The following ADAMTSL4 variants were observed in gnomAD, a reference collection of about 807,000 sequenced individuals.
The protein encoded by ADAMTSL4 is ADAMTS-like protein 4.
In ADAMTSL4, 97 loss-of-function variants were observed where a neutral mutation model predicts 122.8. That is an observed-to-expected ratio of 0.79 (90% confidence interval 0.67 to 0.93). The LOEUF (loss-of-function observed/expected upper bound fraction) is 0.93, where lower values mean the gene tolerates loss of function less well. Among genes scored for constraint, ADAMTSL4 ranks in the 40% least tolerant of loss-of-function variants. The pLI, the probability that ADAMTSL4 is intolerant of heterozygous loss-of-function variation, is 0.00. For synonymous variants in ADAMTSL4, 592 were observed against 568.0 expected, an observed-to-expected ratio of 1.04 and a Z score of -0.60; for missense variants, 1,408 against 1,453.5, an observed-to-expected ratio of 0.97 and a Z score of 0.51.
chr1:150,556,720 G>T lies in ADAMTSL4; in HGVS notation c.1676G>T (p.Arg559Leu), dbSNP rs775141488. The T allele has an allele frequency of 1.2e-6, 2 of 1,613,826 alleles. No individual in the cohort carries two copies. Among genetic ancestry groups the T allele is most frequent in the African/African-American group, 1.3e-5 (1 of 74,844 alleles). Residue 559 changes from arginine (R) to leucine (L), a missense_variant, in exon 10 of 19, where the codon CGT (arginine) becomes CTT (leucine). By Grantham distance (102) the Arg-to-Leu change is moderately radical (BLOSUM62 -2). Transcript: ENST00000271643. The surrounding 1 kb of genome is among the most constrained non-coding windows in gnomAD (Gnocchi z 4.1). ...GGCGGGACCGTCTTTCGATATAACC[G>T]TCCTCCCAGGGAGGAGGGCAAAGGG... ...RAGGTVFRYN[R>L]PPREEGKGES...
At position 150,559,535 on chromosome 1, in the gene ADAMTSL4, T is replaced by C; in HGVS notation, c.2943+69T>C. On this transcript the variant is annotated intron_variant, in intron 17 of 18. Coordinates refer to ENST00000271643, the MANE Select transcript of ADAMTSL4 (RefSeq NM_019032.6). The surrounding 1 kb of genome is among the most constrained non-coding windows in gnomAD (Gnocchi z 4.1). ...CCTAGGGGAGGGGAGCTCCTCTCGC[T>C]GTACCCCCTCCAGGTCTCTCTGTGC... 6.3e-7 allele frequency: 1 copy of C among 1,598,302 alleles called. No homozygotes were observed. Among genetic ancestry groups the C allele is most frequent in the Admixed American group, 1.7e-5 (1 of 59,666 alleles).
rs139793037 is a variant in ADAMTSL4 at position 150,559,305 on chromosome 1, T to C, written c.2782T>C (p.Ser928Pro). ...PWGECSSECG[S>P]GTQRRDIICV... is the part of the protein sequence containing the mutation. ...ACACTAGTGCTCCTCCGAATGTGGCTCTGGCACACAGCGTAGAGACATCAT... is the reference window on the plus strand; with the variant it reads ...ACACTAGTGCTCCTCCGAATGTGGCCCTGGCACACAGCGTAGAGACATCAT... Residue 928 changes from serine (S) to proline (P), a missense_variant, in exon 17 of 19, where the codon TCT becomes CCT. By Grantham distance (74) the Ser-to-Pro change is moderately conservative (BLOSUM62 -1). Coordinates refer to ENST00000271643, the MANE Select transcript of ADAMTSL4 (RefSeq NM_019032.6). The surrounding 1 kb of genome is among the most constrained non-coding windows in gnomAD (Gnocchi z 4.1). 3.1e-6 allele frequency: 5 copies of C among 1,613,978 alleles called. No individual in the cohort carries two copies. The highest frequency in any genetic ancestry group is 4.2e-6 in the Non-Finnish European group (5 of 1,179,984).
In ADAMTSL4 at chr1:150,553,813, C is replaced by T; in HGVS notation, c.822C>T (p.Phe274=). The change falls in exon 6 of 19, where the codon TTC becomes TTT. Residue 274 remains phenylalanine (F), a synonymous_variant. Coordinates refer to ENST00000271643, the MANE Select transcript of ADAMTSL4 (RefSeq NM_019032.6). ...CGCACTCCTTAGGAGAAGGTGGCTTCTTCCGTGCATCCCCTCAGCCACGAA... is the reference window on the plus strand; with the variant it reads ...CGCACTCCTTAGGAGAAGGTGGCTTTTTCCGTGCATCCCCTCAGCCACGAA... ...SPTHSLGEGG[F]FRASPQPRRP... 1.2e-6 allele frequency: 2 copies of T among 1,614,138 alleles called. No homozygotes were observed. The highest frequency in any genetic ancestry group is 1.7e-6 in the Non-Finnish European group (2 of 1,180,008).
At position 150,559,524 on chromosome 1, in the gene ADAMTSL4, G is replaced by A. The variant is rs1340405771; in HGVS notation, c.2943+58G>A. On this transcript the variant is annotated intron_variant, in intron 17 of 18. Transcript: ENST00000271643. The surrounding 1 kb of genome is among the most constrained non-coding windows in gnomAD (Gnocchi z 4.1). Reference sequence around the variant, plus strand: ...CAGCCTGGGCCCCTAGGGGAGGGGAGCTCCTCTCGCTGTACCCCCTCCAGG... The same window carrying A: ...CAGCCTGGGCCCCTAGGGGAGGGGAACTCCTCTCGCTGTACCCCCTCCAGG... 33 of 1,603,382 alleles carry A rather than the reference G, an allele frequency of 2.1e-5. No homozygotes were observed. The highest frequency in any genetic ancestry group is 1.8e-4 in the Middle Eastern group (1 of 5,462).
At position 150,559,308 on chromosome 1, in the gene ADAMTSL4, G is replaced by A; in HGVS notation, c.2785G>A (p.Gly929Ser). The change falls in exon 17 of 19, where the codon GGC becomes AGC. Residue 929 changes from glycine to serine, a missense_variant. By Grantham distance (56) the Gly-to-Ser change is moderately conservative (BLOSUM62 0). Transcript: ENST00000271643. The surrounding 1 kb of genome is among the most constrained non-coding windows in gnomAD (Gnocchi z 4.1). ...CTAGTGCTCCTCCGAATGTGGCTCT[G>A]GCACACAGCGTAGAGACATCATCTG... ...WGECSSECGS[G>S]TQRRDIICVS... 6.2e-7 allele frequency: 1 copy of A among 1,614,058 alleles called. No homozygotes were observed.
At position 150,559,161 on chromosome 1, in the gene ADAMTSL4, G is replaced by A. The variant is rs1466900621; in HGVS notation, c.2759G>A (p.Gly920Asp). 6 of 1,612,426 alleles carry A rather than the reference G, an allele frequency of 3.7e-6. No individual in the cohort carries two copies. In the East Asian group the frequency reaches 6.7e-5, roughly 18 times the overall value. ...RTWRWYTGPW[G>D]ECSSECGSGT... ...TGGCGCTGGTACACAGGGCCCTGGG[G>A]TGAGGTAAGCTGAGCGCCTGCTGAG... The change falls in exon 16 of 19, where the codon GGT (glycine) becomes GAT (aspartate). Residue 920 changes from glycine to aspartate, a missense_variant. Transcript: ENST00000271643. The surrounding 1 kb of genome is among the most constrained non-coding windows in gnomAD (Gnocchi z 4.1).
rs1326684869 is a variant in ADAMTSL4, at chr1:150,554,859, C to A, written c.1234+392C>A. ...AGGTTACCATCCGCTTCATTTTAGGCCTGTGTTAACTTGACACCGGGATAA... is the reference window on the plus strand; with the variant it reads ...AGGTTACCATCCGCTTCATTTTAGGACTGTGTTAACTTGACACCGGGATAA... On this transcript the variant is annotated intron_variant, in intron 7 of 18. Transcript: ENST00000271643. This position sits in a 1 kb window ranked among gnomAD's most constrained non-coding sequence, Gnocchi z 4.0. 102 of 588,910 alleles carry A rather than the reference C, an allele frequency of 1.7e-4. 1 individual carries two copies. In the East Asian group the frequency reaches 2.9e-3, roughly 17 times the overall value. 36.5% of individuals were successfully genotyped at this position (588,910 alleles called of 1,614,324 possible).
Position 150,556,541 on chromosome 1 carries a change from C to T in ADAMTSL4, c.1577-80C>T. The T allele has an allele frequency of 6.3e-7, 1 of 1,599,974 alleles. No individual in the cohort carries two copies. The highest frequency in any genetic ancestry group is 8.6e-7 in the Non-Finnish European group (1 of 1,168,802). ...GGATCTTAGGTTCTGGTGGGAGCTT[C>T]TATAGGCTAAGGACACGGTGTGGGA... On this transcript the variant is annotated intron_variant, in intron 9 of 18. Transcript: ENST00000271643. The surrounding 1 kb of genome is among the most constrained non-coding windows in gnomAD (Gnocchi z 4.1).
chr1:150,556,663 G>A lies in ADAMTSL4; in HGVS notation c.1619G>A (p.Trp540Ter). ...GGCCGGTCCATCATCAATGGGAACTGGGCTGTGGATCCCCCTGGGTCCTAC... is the reference window on the plus strand; with the variant it reads ...GGCCGGTCCATCATCAATGGGAACTAGGCTGTGGATCCCCCTGGGTCCTAC... ...PGGRSIINGN[W>*]AVDPPGSYRA... Residue 540 changes from tryptophan (W) to a stop codon, truncating the protein, a stop_gained, in exon 10 of 19, where the codon TGG becomes TAG. Transcript: ENST00000271643. LOFTEE classifies it high-confidence loss of function. The surrounding 1 kb of genome is among the most constrained non-coding windows in gnomAD (Gnocchi z 4.1). 6.2e-7 allele frequency: 1 copy of A among 1,614,070 alleles called. No homozygotes were observed. The highest frequency in any genetic ancestry group is 2.2e-5 in the East Asian group (1 of 44,864).
rs749803973 is a variant in ADAMTSL4 at position 150,559,802 on chromosome 1, C to T, written c.2985C>T (p.Val995=). 3 of 1,613,954 alleles carry T rather than the reference C, an allele frequency of 1.9e-6. No individual in the cohort carries two copies. The Admixed American group carries it at 5.0e-5, about 27-fold the overall frequency. The change falls in exon 18 of 19, where the codon GTC becomes GTT. Residue 995 remains valine (V), a synonymous_variant. Transcript: ENST00000271643. The surrounding 1 kb of genome is among the most constrained non-coding windows in gnomAD (Gnocchi z 4.1). ...SCQGGTQTRE[V]QCLSTNQTLS... is the part of the protein sequence containing the mutation. ...AAGGGGGAACGCAGACACGGGAGGTCCAGTGCCTGAGCACCAACCAGACCC... is the reference window on the plus strand; with the variant it reads ...AAGGGGGAACGCAGACACGGGAGGTTCAGTGCCTGAGCACCAACCAGACCC...
Position 150,554,247 on chromosome 1 carries a change from G to A in ADAMTSL4, c.1132-118G>A, listed in dbSNP as rs1671763809. ...GGGCCTTGGCATCTGACCACCTCAG[G>A]GCAGGGGTCTTGGAGCTCTTCCGCT... On this transcript the variant is annotated intron_variant, in intron 6 of 18. Coordinates refer to ENST00000271643, the MANE Select transcript of ADAMTSL4 (RefSeq NM_019032.6). The surrounding 1 kb of genome is among the most constrained non-coding windows in gnomAD (Gnocchi z 4.0). The A allele has an allele frequency of 6.9e-7, 1 of 1,438,956 alleles. No homozygotes were observed. The highest frequency in any genetic ancestry group is 9.7e-7 in the Non-Finnish European group (1 of 1,032,374). The allele number at this position is 1,438,956 out of a possible 1,614,324, so 89.1% of individuals were successfully genotyped here.
At position 150,552,436 on chromosome 1, in the gene ADAMTSL4, G is replaced by A. The variant is rs958852324; in HGVS notation, c.21-107G>A. Reference sequence around the variant, plus strand: ...AAGTGATGAGTAACTTCTGCTTTCTGAGAAGTTGGTAGTCAGGATATGGGA... The same window carrying A: ...AAGTGATGAGTAACTTCTGCTTTCTAAGAAGTTGGTAGTCAGGATATGGGA... On this transcript the variant is annotated intron_variant, in intron 3 of 18. Transcript: ENST00000271643. This position sits in a 1 kb window ranked among gnomAD's most constrained non-coding sequence, Gnocchi z 4.0. 6 of 1,567,916 alleles carry A rather than the reference G, an allele frequency of 3.8e-6. No individual in the cohort carries two copies. The African/African-American group carries it at 5.4e-5, about 14-fold the overall frequency.
Position 150,556,021 on chromosome 1 carries a change from C to A in ADAMTSL4, c.1372-141C>A. 1 of 835,334 alleles carries A rather than the reference C, an allele frequency of 1.2e-6. No homozygotes were observed. Among genetic ancestry groups the A allele is most frequent in the Non-Finnish European group, 2.0e-6 (1 of 509,888 alleles). The allele number at this position is 835,334 out of a possible 1,614,324, so 51.7% of individuals were successfully genotyped here. ...CACCTGTCCATGTCCCTGGGTCTGG[C>A]TGGGGATGGTGGGGCTGTTTTTGTG... is the stretch of plus-strand genomic sequence containing the variant. On this transcript the variant is annotated intron_variant, in intron 8 of 18. Coordinates refer to ENST00000271643, the MANE Select transcript of ADAMTSL4 (RefSeq NM_019032.6). This position sits in a 1 kb window ranked among gnomAD's most constrained non-coding sequence, Gnocchi z 4.1.
rs756296743 is a variant in ADAMTSL4 at position 150,553,542 on chromosome 1, C to T, written c.551C>T (p.Ser184Phe). Residue 184 changes from serine (S) to phenylalanine (F), a missense_variant, in exon 6 of 19, where the codon TCC (serine) becomes TTC (phenylalanine). Physicochemically the swap from Ser to Phe is radical, Grantham distance 155. Coordinates refer to ENST00000271643, the MANE Select transcript of ADAMTSL4 (RefSeq NM_019032.6). Reference sequence around the variant, plus strand: ...CGGAGCCCACCCAGATCTGAGCTGTCCCTGATCTCTTCTAGAGGGGAAGAG... The same window carrying T: ...CGGAGCCCACCCAGATCTGAGCTGTTCCTGATCTCTTCTAGAGGGGAAGAG... ...HPRSPPRSEL[S>F]LISSRGEEAI... 1 of 1,613,956 alleles carries T rather than the reference C, an allele frequency of 6.2e-7. No individual in the cohort carries two copies. Among genetic ancestry groups the T allele is most frequent in the Admixed American group, 1.7e-5 (1 of 60,008 alleles).
In ADAMTSL4 at chr1:150,556,408, C is replaced by G. The variant is rs768254527; in HGVS notation, c.1576+42C>G. 8 of 1,610,610 alleles carry G rather than the reference C, an allele frequency of 5.0e-6. No individual in the cohort carries two copies. Among genetic ancestry groups the G allele is most frequent in the South Asian group, 2.2e-5 (2 of 90,790 alleles). On this transcript the variant is annotated intron_variant, in intron 9 of 18. Transcript: ENST00000271643. This position sits in a 1 kb window ranked among gnomAD's most constrained non-coding sequence, Gnocchi z 4.1. ...CTCCCCTTCCACTTCCGTCTCTGTT[C>G]GGCCCTCCATACCCCTACTCAGAGC...
chr1:150,553,129 C>T lies in ADAMTSL4; in HGVS notation c.310C>T (p.Pro104Ser), dbSNP rs200120255. The change falls in exon 5 of 19, where the codon CCC (proline) becomes TCC (serine). Residue 104 changes from proline to serine, a missense_variant. By Grantham distance (74) the Pro-to-Ser change is moderately conservative. Coordinates refer to ENST00000271643, the MANE Select transcript of ADAMTSL4 (RefSeq NM_019032.6). ...CCTCCCCCGGGGCCAGGGTCCCAGA[C>T]CCCAGACTTCTCCAGAAACCCTCCC... ...ALLPRGQGPR[P>S]QTSPETLPLY... 6.2e-7 allele frequency: 1 copy of T among 1,613,142 alleles called. No homozygotes were observed. The highest frequency in any genetic ancestry group is 8.5e-7 in the Non-Finnish European group (1 of 1,179,724).
In ADAMTSL4 at chr1:150,553,164, GAC is replaced by G; in HGVS notation, c.349_350del (p.Gln117ValfsTer65). On this transcript the variant is annotated frameshift_variant, in exon 5 of 19. Coordinates refer to ENST00000271643, the MANE Select transcript of ADAMTSL4 (RefSeq NM_019032.6). LOFTEE classifies it high-confidence loss of function. ...TSPETLPLYRTQSRGRGGPLR... is the reference protein window; with the variant it reads ...TSPETLPLYRXQSRGRGGPLR... ...CTCCAGAAACCCTCCCCTTGTACAG[GAC>G]ACAGTCTCGGGGAAGGGGTGGCCCA... 1 of 1,611,994 alleles carries G rather than the reference GAC, an allele frequency of 6.2e-7. No homozygotes were observed. The highest frequency in any genetic ancestry group is 8.5e-7 in the Non-Finnish European group (1 of 1,179,030).
chr1:150,549,951 A>G lies in ADAMTSL4; in HGVS notation c.-85+56A>G, dbSNP rs910825308. 2 of 247,642 alleles carry G rather than the reference A, an allele frequency of 8.1e-6. No homozygotes were observed. Among genetic ancestry groups the G allele is most frequent in the African/African-American group, 2.3e-5 (1 of 44,088 alleles). The allele number at this position is 247,642 out of a possible 1,614,324, so 15.3% of individuals were successfully genotyped here. On this transcript the variant is annotated intron_variant, in intron 2 of 18. Transcript: ENST00000271643. This position sits in a 1 kb window ranked among gnomAD's most constrained non-coding sequence, Gnocchi z 5.0. Reference sequence around the variant, plus strand: ...GGCAGAAGAGGTTGACAAAAAAGAAAGACACCTGTTGGGGTGGCCTGCCAG... The same window carrying G: ...GGCAGAAGAGGTTGACAAAAAAGAAGGACACCTGTTGGGGTGGCCTGCCAG...
intron 13 of ADAMTSL4, 113 bp downstream of exon 13, chr1:150,557,736 C>A: frequency 1.4e-6 from 2 of 1,382,194 alleles, no homozygotes; most frequent in Non-Finnish European, 9.8e-7. Context: ...TGCAGAGAGA[C>A]AACATTAGAT....
Sources: gnomAD v4.1 joint callset for allele counts on GRCh38, gnomAD v4.1.1 for gene constraint, Gnocchi (gnomAD v3.1) non-coding constraint, MANE v1.5 for transcripts, NCBI Gene and HGNC (gene_info 2026-07-23, HGNC 2026-07-21) for gene names.